The following DACT1 variants were observed in gnomAD, a reference collection of about 807,000 sequenced individuals.
DACT1 encodes the protein dapper homolog 1.
Under a neutral mutation model 35.3 loss-of-function variants are expected in DACT1, and 19 were observed. The observed-to-expected ratio is 0.54, with a 90% CI of 0.38 to 0.79. The LOEUF (loss-of-function observed/expected upper bound fraction) is 0.79, where lower values mean the gene tolerates loss of function less well. Among genes scored for constraint, DACT1 ranks in the 30% least tolerant of loss-of-function variants. The pLI, the probability that DACT1 is intolerant of heterozygous loss-of-function variation, is 0.00. For missense variants in DACT1, 1,143 were observed against 1,057.5 expected (o/e 1.08, Z -1.12); for synonymous variants, 545 against 466.7 (o/e 1.17, Z -2.16).
intron 1 of DACT1, 52 bp downstream of exon 1, chr14:58,638,599 G>A (rs2047597733): frequency 7.7e-7 from 1 of 1,297,534 alleles, no homozygotes; most frequent in South Asian, 3.3e-5. Context: ...GGGGCTGGAG[G>A]TCGGGCAGGT....
chr14:58,646,260 C>A lies in DACT1; in HGVS notation c.1526C>A (p.Ser509Tyr), dbSNP rs552507961. 6.2e-7 allele frequency: 1 copy of A among 1,613,794 alleles called. No homozygotes were observed. The highest frequency in any genetic ancestry group is 1.3e-5 in the African/African-American group (1 of 74,928). ...PALDFKSEGS[S>Y]QSLEEAHLVK... The stretch of plus-strand genomic sequence containing the variant: ...TTGGATTTCAAGAGCGAGGGCTCTT[C>A]CCAAAGCCTGGAGGAAGCGCACCTG... The change falls in exon 4 of 4, where the codon TCC becomes TAC. Residue 509 changes from serine to tyrosine, a missense_variant. Physicochemically the swap from Ser to Tyr is moderately radical, Grantham distance 144. Around this residue, in one of 3 missense-constraint regions of DACT1, gnomAD observed 1,054 missense variants for 958.8 expected, o/e 1.10. Transcript: ENST00000395153.
At position 58,638,173 on chromosome 14, in the gene DACT1, G is replaced by A; in HGVS notation, c.-30G>A. The A allele has an allele frequency of 7.8e-7, 1 of 1,279,656 alleles. No individual in the cohort carries two copies. The allele number at this position is 1,279,656 out of a possible 1,614,324, so 79.3% of individuals were successfully genotyped here. On this transcript the variant is annotated 5_prime_UTR_variant, in exon 1 of 4. It adds an upstream start codon to the 5' untranslated region. Transcript: ENST00000395153. ...CCTCCGCCTGGGCGGCCCGGCTGCGGTGACGGCTCTCGCTGCCCGACTGGG... is the reference window on the plus strand; with the variant it reads ...CCTCCGCCTGGGCGGCCCGGCTGCGATGACGGCTCTCGCTGCCCGACTGGG...
At chr14:58,636,265 G>A (rs569321966), upstream of DACT1, among the ~76,000 whole-genome samples, 27 of 152,298 alleles carry the variant, frequency 1.8e-4, no homozygotes, top group African/African-American at 6.5e-4. Context: ...TCTATTTGTA[G>A]TAGAGATTAA....
At chr14:58,644,738 A>G (rs1381917232) in intron 3 of DACT1, among the ~76,000 whole-genome samples, 1 of 152,258 alleles carries the variant, frequency 6.6e-6, no homozygotes, top group African/African-American at 2.4e-5. Context: ...AAAGCCAGGA[A>G]TAGAACAGAG....
rs2047692544 is a variant in DACT1 at position 58,646,763 on chromosome 14, G to C, written c.2029G>C (p.Ala677Pro). 32 of 1,613,896 alleles carry C rather than the reference G, an allele frequency of 2.0e-5. No homozygotes were observed. Among genetic ancestry groups the C allele is most frequent in the Non-Finnish European group, 2.6e-5 (31 of 1,180,034 alleles). The change falls in exon 4 of 4, where the codon GCC becomes CCC. Residue 677 changes from alanine (A) to proline (P), a missense_variant. This residue lies in a region of DACT1 where 1,054 missense variants were observed against 958.8 expected (regional missense o/e 1.10). Coordinates refer to ENST00000395153, the MANE Select transcript of DACT1 (RefSeq NM_001079520.2). ...LYPAPVPLPYASPYAYVASDS... is the reference protein window; with the variant it reads ...LYPAPVPLPYPSPYAYVASDS... ...CCCCGCGCCTGTGCCTCTGCCCTAC[G>C]CCAGCCCCTACGCCTACGTGGCTAG...
At position 58,645,580 on chromosome 14, in the gene DACT1, C is replaced by A. The variant is rs201127318; in HGVS notation, c.846C>A (p.Ser282=). 2.7e-5 allele frequency: 44 copies of A among 1,614,198 alleles called. No individual in the cohort carries two copies. In the East Asian group the frequency reaches 9.4e-4, roughly 34 times the overall value. Residue 282 remains serine, a synonymous_variant, in exon 4 of 4, where the codon TCC becomes TCA. Transcript: ENST00000395153. ...TAGATGCCGTCAAAACAGACAGTTCCTTACCGTCCCCAAGCAGTCTGTGGT... is the reference window on the plus strand; with the variant it reads ...TAGATGCCGTCAAAACAGACAGTTCATTACCGTCCCCAAGCAGTCTGTGGT... ...SELDAVKTDS[S]LPSPSSLWSA...
chr14:58,647,587 G>T lies in DACT1; in HGVS notation c.*453G>T. 1 of 184,088 alleles carries T rather than the reference G, an allele frequency of 5.4e-6. No individual in the cohort carries two copies. The highest frequency in any genetic ancestry group is 1.2e-5 in the Non-Finnish European group (1 of 80,862). The allele number at this position is 184,088 out of a possible 1,614,324, so 11.4% of individuals were successfully genotyped here. On this transcript the variant is annotated 3_prime_UTR_variant, in exon 4 of 4. Transcript: ENST00000395153. Reference sequence around the variant, plus strand: ...GCACCACATACAATAGTGTGAAGTAGGTATGAGGGGCAGTCATTGTATTCT... The same window carrying T: ...GCACCACATACAATAGTGTGAAGTATGTATGAGGGGCAGTCATTGTATTCT...
chr14:58,641,512 G>C, intron 2 of DACT1, 80 bp from the exon 3 acceptor site: 2 of 1,463,016 alleles, frequency 1.4e-6, no homozygotes, highest in Non-Finnish European at 1.9e-6. Context: ...TTTCCTAAAT[G>C]ATTATTCATT....
rs778652355 is a variant in DACT1, at chr14:58,645,958, C to G, written c.1224C>G (p.Ser408=). The part of the protein sequence containing the change: ...LPEGCPSGAA[S]DLQSKHLPKT... The stretch of plus-strand genomic sequence containing the variant: ...AGGGCTGCCCCTCAGGCGCTGCCTC[C>G]GACCTTCAGAGTAAGCACCTGCCAA... The change falls in exon 4 of 4, where the codon TCC becomes TCG. Residue 408 remains serine (S), a synonymous_variant. Transcript: ENST00000395153. 7 of 1,613,782 alleles carry G rather than the reference C, an allele frequency of 4.3e-6. No individual in the cohort carries two copies. The highest frequency in any genetic ancestry group is 4.0e-5 in the African/African-American group (3 of 74,950).
rs1192502498 is a variant in DACT1 at position 58,640,764 on chromosome 14, T to G, written c.374T>G (p.Leu125Trp). Reference sequence around the variant, plus strand: ...TGTTTGAGGCGAAGAGATGCTGGTTTGTTGAATCAGTTGCAAGAGCTTGAC... The same window carrying G: ...TGTTTGAGGCGAAGAGATGCTGGTTGGTTGAATCAGTTGCAAGAGCTTGAC... ...LNCLRRRDAG[L>W]LNQLQELDKQ... Residue 125 changes from leucine (L) to tryptophan (W), a missense_variant, in exon 2 of 4, where the codon TTG becomes TGG. Leu to Trp is a moderately conservative substitution (Grantham distance 61, BLOSUM62 -2). This residue lies in a region of DACT1 where 1,054 missense variants were observed against 958.8 expected (regional missense o/e 1.10). Coordinates refer to ENST00000395153, the MANE Select transcript of DACT1 (RefSeq NM_001079520.2). 6.2e-7 allele frequency: 1 copy of G among 1,614,158 alleles called. No individual in the cohort carries two copies. Among genetic ancestry groups the G allele is most frequent in the East Asian group, 2.2e-5 (1 of 44,876 alleles).
Position 58,638,260 on chromosome 14 carries a change from G to C in DACT1, c.58G>C (p.Gly20Arg). Residue 20 changes from glycine to arginine, a missense_variant, in exon 1 of 4, where the codon GGC becomes CGC. Physicochemically the swap from Gly to Arg is moderately radical, Grantham distance 125. This residue lies in a region of DACT1 where 85 missense variants were observed against 81.8 expected (regional missense o/e 1.04). Transcript: ENST00000395153. ...GCTGGAGCCTCCGGCGCCGGCCCGA[G>C]GCGAGCAGCGCACGGCGGAGCCCGA... Reference protein sequence around the residue: ...KELEPPAPARGEQRTAEPEGR... With the variant: ...KELEPPAPARREQRTAEPEGR... 7.3e-7 allele frequency: 1 copy of C among 1,368,278 alleles called. No homozygotes were observed. The highest frequency in any genetic ancestry group is 9.4e-7 in the Non-Finnish European group (1 of 1,061,646). The allele number at this position is 1,368,278 out of a possible 1,614,324, so 84.8% of individuals were successfully genotyped here.
upstream of DACT1, among the ~76,000 whole-genome samples, chr14:58,634,387 C>T (rs564666508): frequency 3.3e-5 from 5 of 152,164 alleles, no homozygotes; most frequent in Non-Finnish European, 5.9e-5. Context: ...TTTGCTACCA[C>T]GCTTCTTTTT....
chr14:58,645,487 G>A lies in DACT1; in HGVS notation c.753G>A (p.Thr251=), dbSNP rs2047664809. 1 of 1,614,128 alleles carries A rather than the reference G, an allele frequency of 6.2e-7. No homozygotes were observed. The highest frequency in any genetic ancestry group is 8.5e-7 in the Non-Finnish European group (1 of 1,180,028). Residue 251 remains threonine (T), a synonymous_variant, in exon 4 of 4, where the codon ACG becomes ACA. Coordinates refer to ENST00000395153, the MANE Select transcript of DACT1 (RefSeq NM_001079520.2). The part of the protein sequence containing the change: ...VQSPMFLLCL[T]GNPLREEDRL... ...GCCCAATGTTTCTCCTTTGTCTGACGGGCAACCCTCTGAGGGAAGAGGACA... is the reference window on the plus strand; with the variant it reads ...GCCCAATGTTTCTCCTTTGTCTGACAGGCAACCCTCTGAGGGAAGAGGACA...
At chr14:58,638,946 G>T (rs950852316) in intron 1 of DACT1, 138 of 991,558 alleles carry the variant, frequency 1.4e-4, no homozygotes, top group Non-Finnish European at 1.5e-4. Context: ...AGGTTTTCTT[G>T]ACTTTATCTC....
chr14:58,646,819 C>G lies in DACT1; in HGVS notation c.2085C>G (p.Ser695=), dbSNP rs61755641. 0.051 allele frequency: 82,245 copies of G among 1,614,128 alleles called. 2,338 individuals are homozygous for G. The highest frequency in any genetic ancestry group is 0.083 in the Middle Eastern group (502 of 6,062). ...SDSEYSAECE[S]LFHSTVVDTS... is the part of the protein sequence containing the mutation. ...CCGAGTACTCGGCCGAGTGCGAGTC[C>G]CTGTTCCACTCCACCGTGGTGGACA... The change falls in exon 4 of 4, where the codon TCC becomes TCG. Residue 695 remains serine (S), a synonymous_variant. Transcript: ENST00000395153.
chr14:58,639,237 G>T, intron 1 of DACT1: 2 of 985,456 alleles, frequency 2.0e-6, no homozygotes, highest in Non-Finnish European at 2.4e-6. Flanking sequence ...GGTGGTGGAG[G>T]TGGGAGAAAA....
rs564542694 is a variant in DACT1 at position 58,640,851 on chromosome 14, A to G, written c.461A>G (p.Asp154Gly). 6.2e-7 allele frequency: 1 copy of G among 1,614,192 alleles called. No individual in the cohort carries two copies. The highest frequency in any genetic ancestry group is 8.5e-7 in the Non-Finnish European group (1 of 1,180,032). The change falls in exon 2 of 4, where the codon GAC becomes GGC. Residue 154 changes from aspartate to glycine, a missense_variant. Asp to Gly is a moderately conservative substitution (Grantham distance 94, BLOSUM62 -1). This residue lies in a region of DACT1 where 1,054 missense variants were observed against 958.8 expected (regional missense o/e 1.10). Coordinates refer to ENST00000395153, the MANE Select transcript of DACT1 (RefSeq NM_001079520.2). ...EKTSEEHLETDSRPSSGFYEL... is the reference protein window; with the variant it reads ...EKTSEEHLETGSRPSSGFYEL... The stretch of plus-strand genomic sequence containing the variant: ...ACATCTGAAGAGCACCTGGAGACAG[A>G]CAGTCGGCCTAGCTCAGGTGAGTGA...
chr14:58,645,162 CT>C, intron 3 of DACT1: 2 of 946,028 alleles, frequency 2.1e-6, no homozygotes, highest in South Asian at 3.0e-5. Flanking sequence ...TTGGCAATCT[CT>C]TTTTACCCAT....
At chr14:58,638,929 T>C (rs1440608239) in intron 1 of DACT1, 33 of 996,100 alleles carry the variant, frequency 3.3e-5, no homozygotes, top group Admixed American at 1.2e-4. Context: ...AATACCATTT[T>C]ATTTGGAGGT....
Sources: allele counts gnomAD v4.1 joint callset (sites outside exome capture counted in the v4.1 genomes callset), GRCh38; gene constraint gnomAD v4.1.1; regional missense constraint gnomAD v4.1.1; transcripts MANE v1.5; gene names NCBI Gene and HGNC (gene_info 2026-07-23, HGNC 2026-07-21).